TENM4: variants seen among roughly 807,000 people sequenced by gnomAD.
TENM4 encodes the protein teneurin transmembrane protein 4.
Under a neutral mutation model 243.3 loss-of-function variants are expected in TENM4, and 82 were observed. The observed-to-expected ratio is 0.34, with a 90% confidence interval of 0.28 to 0.40. TENM4 has a LOEUF of 0.40. Ranked by LOEUF, TENM4 falls within the 10% of genes least tolerant of loss-of-function variation. The pLI, the probability that TENM4 is intolerant of heterozygous loss-of-function variation, is 1.00. For synonymous variants in TENM4, 1,412 were observed against 1,456.3 expected, an observed-to-expected ratio of 0.97 and a Z score of 0.69; for missense variants, 3,138 against 3,673.3, an observed-to-expected ratio of 0.85 and a Z score of 3.77.
At chr11:79,022,291 G>A (rs781264617) in intron 6 of TENM4, among the ~76,000 whole-genome samples, 2 of 152,122 alleles carry the variant, frequency 1.3e-5, no homozygotes, top group African/African-American at 2.4e-5. Flanking sequence ...CCCAATAGTC[G>A]ACACAAAACC....
chr11:79,321,813 T>G (rs1230622935), intron 1 of TENM4, among the ~76,000 whole-genome samples: 5 of 152,070 alleles, frequency 3.3e-5, no homozygotes, highest in Admixed American at 1.3e-4. Context: ...AGACAAAAGC[T>G]TGAGGTATCA....
intron 25 of TENM4, 121 bp downstream of exon 25, chr11:78,720,249 T>C: frequency 8.6e-7 from 1 of 1,161,374 alleles, no homozygotes. Context: ...ATTACCCCAA[T>C]CAGTTCCAAT....
chr11:78,809,970 C>G (rs998557367), intron 14 of TENM4, among the ~76,000 whole-genome samples: 2 of 152,074 alleles, frequency 1.3e-5, no homozygotes, highest in Non-Finnish European at 2.9e-5. Context: ...TTTTTCTTTT[C>G]TGCTCCTCCC....
intron 6 of TENM4, chr11:78,903,746 A>C: frequency 1.3e-6 from 1 of 758,944 alleles, no homozygotes; most frequent in East Asian, 2.7e-5. Flanking sequence ...TCCCGTCCCC[A>C]CTGAGCTTAA....
At chr11:78,782,522 G>A (rs542315971) in intron 16 of TENM4, among the ~76,000 whole-genome samples, 28 of 152,282 alleles carry the variant, frequency 1.8e-4, no homozygotes, top group Admixed American at 1.5e-3. Flanking sequence ...ACTTGAACCC[G>A]GGAGGCAGAG....
intron 19 of TENM4, among the ~76,000 whole-genome samples, chr11:78,743,429 G>A (rs1590986527): frequency 6.6e-6 from 1 of 152,228 alleles, no homozygotes; most frequent in Non-Finnish European, 1.5e-5. Context: ...TCTGGAATTC[G>A]AATGCAGGGC....
At chr11:78,751,687 T>C (rs1331347638) in intron 19 of TENM4, among the ~76,000 whole-genome samples, 1 of 152,166 alleles carries the variant, frequency 6.6e-6, no homozygotes, top group African/African-American at 2.4e-5. Context: ...CATCCAGCCC[T>C]TTCAGTCAGA....
At chr11:79,421,715 A>C (rs1858935273) in intron 1 of TENM4, among the ~76,000 whole-genome samples, 1 of 152,188 alleles carries the variant, frequency 6.6e-6, no homozygotes, top group African/African-American at 2.4e-5. Context: ...TAAAAAAAAA[A>C]AAAAACAGTT....
At chr11:79,193,359 C>T (rs1210748557) in intron 3 of TENM4, among the ~76,000 whole-genome samples, 3 of 152,208 alleles carry the variant, frequency 2.0e-5, no homozygotes, top group Admixed American at 2.0e-4. Flanking sequence ...AATGCTGCCT[C>T]CCATCAGGAT....
chr11:78,886,350 G>T (rs1289291524), intron 9 of TENM4, among the ~76,000 whole-genome samples: 2 of 152,164 alleles, frequency 1.3e-5, no homozygotes, highest in Admixed American at 6.5e-5. Flanking sequence ...TTTAATAATT[G>T]ATAGTTCCTT....
At chr11:78,710,542 C>T (rs1383918658) in intron 26 of TENM4, among the ~76,000 whole-genome samples, 1 of 152,208 alleles carries the variant, frequency 6.6e-6, no homozygotes, top group Non-Finnish European at 1.5e-5. Flanking sequence ...TCTGTAAGTG[C>T]CAAGACAGGC....
intron 2 of TENM4, among the ~76,000 whole-genome samples, chr11:79,271,824 T>C (rs1855974754): frequency 6.6e-6 from 1 of 152,140 alleles, no homozygotes; most frequent in African/African-American, 2.4e-5. Flanking sequence ...ATGAGGGCTT[T>C]TTGTTCCTTA....
In TENM4 at chr11:78,929,399, T is replaced by C. The variant is rs139855843; in HGVS notation, c.494-25876A>G. On this transcript the variant is annotated intron_variant, in intron 6 of 33. Coordinates refer to ENST00000278550, the MANE Select transcript of TENM4 (RefSeq NM_001098816.3). ...ACTTCAGAGGTGGGAGGGGGAAAGTTTAATTAAACAGCTCTTTGCAACTGA... is the reference window on the plus strand; with the variant it reads ...ACTTCAGAGGTGGGAGGGGGAAAGTCTAATTAAACAGCTCTTTGCAACTGA... Among the ~76,000 whole-genome samples the C allele has an allele frequency of 1.8e-3, 279 of 152,254 alleles. 6 individuals are homozygous for C. The East Asian group carries it at 0.048, about 26-fold the overall frequency.
At chr11:78,988,244 C>T (rs1238206931) in intron 6 of TENM4, among the ~76,000 whole-genome samples, 1 of 152,180 alleles carries the variant, frequency 6.6e-6, no homozygotes, top group Non-Finnish European at 1.5e-5. Flanking sequence ...CTGAGGCCTC[C>T]TGCCAACAGC....
intron 14 of TENM4, among the ~76,000 whole-genome samples, chr11:78,806,068 T>C (rs531043463): frequency 1.1e-4 from 17 of 152,090 alleles, no homozygotes; most frequent in African/African-American, 3.4e-4. Flanking sequence ...GGTGGGAGGA[T>C]TGCTTGAGGC....
intron 6 of TENM4, among the ~76,000 whole-genome samples, chr11:78,920,082 T>A (rs548216357): frequency 3.1e-4 from 47 of 152,282 alleles, no homozygotes; most frequent in Middle Eastern, 6.8e-3. Flanking sequence ...GTCCAGTGCT[T>A]GTCACATAGT....
At chr11:79,379,440 C>A (rs1201981942) in intron 1 of TENM4, among the ~76,000 whole-genome samples, 1 of 152,080 alleles carries the variant, frequency 6.6e-6, no homozygotes, top group African/African-American at 2.4e-5. Flanking sequence ...GAAACAGGAC[C>A]CCTTTTAGAT....
intron 2 of TENM4, among the ~76,000 whole-genome samples, chr11:79,240,926 AT>A (rs1374164491): frequency 6.6e-6 from 1 of 152,098 alleles, no homozygotes; most frequent in East Asian, 1.9e-4. Flanking sequence ...TATTGGTGCA[AT>A]TTTAAATCAC....
intron 2 of TENM4, among the ~76,000 whole-genome samples, chr11:79,224,291 G>A (rs772645259): frequency 2.0e-5 from 3 of 152,192 alleles, no homozygotes; most frequent in Non-Finnish European, 4.4e-5. Flanking sequence ...TTGGTTCAGG[G>A]CTGGGCACCT....
Sources: allele counts gnomAD v4.1 joint callset (sites outside exome capture counted in the v4.1 genomes callset), GRCh38; gene constraint gnomAD v4.1.1; transcripts MANE v1.5; gene names NCBI Gene and HGNC (gene_info 2026-07-23, HGNC 2026-07-21).